Variants in LHFPL3 observed in about 807,000 individuals in gnomAD.
LHFPL3 encodes LHFPL tetraspan subfamily member 3.
A neutral mutation model predicts 19.3 loss-of-function variants in LHFPL3; 5 were observed. The ratio of observed to expected loss-of-function variants is 0.26; its 90% CI spans 0.14 to 0.54. The LOEUF (loss-of-function observed/expected upper bound fraction) is 0.54. LHFPL3 is among the 20% of genes least tolerant of loss of function. The pLI is 0.94. For missense variants in LHFPL3, 249 were observed against 307.4 expected (o/e 0.81, Z 1.42); for synonymous variants, 133 against 126.2 (o/e 1.05, Z -0.36).
chr7:104,441,913 G>A (rs1267889879), intron 1 of LHFPL3, among the ~76,000 whole-genome samples: 1 of 152,144 alleles, frequency 6.6e-6, no homozygotes, highest in Non-Finnish European at 1.5e-5. Flanking sequence ...CTGCCCAGAA[G>A]TGGAATTGCT....
intron 1 of LHFPL3, among the ~76,000 whole-genome samples, chr7:104,376,515 A>G (rs1302788144): frequency 6.6e-6 from 1 of 152,192 alleles, no homozygotes; most frequent in African/African-American, 2.4e-5. Flanking sequence ...TCTCCTTTCC[A>G]TTCTCCTGAT....
intron 2 of LHFPL3, among the ~76,000 whole-genome samples, chr7:104,851,968 T>C (rs191107558): frequency 5.3e-4 from 80 of 152,164 alleles, no homozygotes; most frequent in African/African-American, 1.9e-3. Flanking sequence ...CCCTTCTGTC[T>C]CCTTTCCTTA....
intron 1 of LHFPL3, among the ~76,000 whole-genome samples, chr7:104,508,277 C>T (rs1793739654): frequency 2.0e-5 from 3 of 151,622 alleles, no homozygotes; most frequent in African/African-American, 4.9e-5. Flanking sequence ...TACTATGCAG[C>T]CATAAAAAAT....
At chr7:104,408,812 G>A (rs1202903445) in intron 1 of LHFPL3, among the ~76,000 whole-genome samples, 1 of 151,894 alleles carries the variant, frequency 6.6e-6, no homozygotes, top group East Asian at 1.9e-4. Context: ...TTTTGCTAGG[G>A]TACAGGGAGG....
intron 2 of LHFPL3, among the ~76,000 whole-genome samples, chr7:104,902,174 G>A (rs988020918): frequency 6.6e-5 from 10 of 152,090 alleles, no homozygotes; most frequent in African/African-American, 1.9e-4. Context: ...GAGTCCGGGA[G>A]TTTGAAACCA....
At position 104,328,866 on chromosome 7, in the gene LHFPL3, T is replaced by A. The variant is rs1457079225; in HGVS notation, c.87T>A (p.Tyr29Ter). The change falls in exon 1 of 3, where the codon TAT becomes TAA. Residue 29 changes from tyrosine (Y) to a stop codon, truncating the protein, a stop_gained. Coordinates refer to ENST00000424859, the MANE Select transcript of LHFPL3 (RefSeq NM_199000.3). LOFTEE classifies it high-confidence loss of function. This position sits in a 1 kb window ranked among gnomAD's most constrained non-coding sequence, Gnocchi z 4.6. ...QEAAKLYHTN[Y>*]VRNSRAIGVL... ...CTGCCAAGCTGTACCACACCAACTA[T>A]GTGCGGAACTCGCGGGCCATCGGCG... The A allele has an allele frequency of 6.2e-7, 1 of 1,614,004 alleles. No individual in the cohort carries two copies. Among genetic ancestry groups the A allele is most frequent in the Non-Finnish European group, 8.5e-7 (1 of 1,180,010 alleles).
Position 104,490,442 on chromosome 7 carries a change from C to T in LHFPL3, c.445+161218C>T, listed in dbSNP as rs117118376. Among the ~76,000 whole-genome samples the T allele has an allele frequency of 9.1e-3, 1,389 of 152,240 alleles. 13 individuals carry two copies. Among genetic ancestry groups the T allele is most frequent in the Non-Finnish European group, 0.013 (894 of 68,012 alleles). ...CTAATCATAAATAATGATCCCTCTT[C>T]AGAGACACCAAAGGGTACAGCAAAT... On this transcript the variant is annotated intron_variant, in intron 1 of 2. Transcript: ENST00000424859.
At chr7:104,605,216 T>C (rs1294845520) in intron 1 of LHFPL3, among the ~76,000 whole-genome samples, 3 of 152,190 alleles carry the variant, frequency 2.0e-5, no homozygotes, top group Non-Finnish European at 4.4e-5. Flanking sequence ...TTCAATCAAA[T>C]AATGGATTTT....
rs534629436 is a variant in LHFPL3, at chr7:104,654,202, A to G, written c.446-82473A>G. On this transcript the variant is annotated intron_variant, in intron 1 of 2. Coordinates refer to ENST00000424859, the MANE Select transcript of LHFPL3 (RefSeq NM_199000.3). ...ACAGAAATAGCCAAGCAGATGTGATATCTGTCCATGACGTCATGCTGGTAC... is the reference window on the plus strand; with the variant it reads ...ACAGAAATAGCCAAGCAGATGTGATGTCTGTCCATGACGTCATGCTGGTAC... Among the ~76,000 whole-genome samples the G allele has an allele frequency of 3.9e-5, 6 of 152,304 alleles. No homozygotes were observed. In the East Asian group the frequency reaches 1.2e-3, roughly 29 times the overall value.
At chr7:104,500,586 C>G (rs1057253613) in intron 1 of LHFPL3, among the ~76,000 whole-genome samples, 1 of 152,178 alleles carries the variant, frequency 6.6e-6, no homozygotes. Flanking sequence ...CTCCCAGTTA[C>G]TCTTGGCTAC....
intron 1 of LHFPL3, among the ~76,000 whole-genome samples, chr7:104,462,561 A>G (rs142324896): frequency 3.5e-4 from 53 of 152,282 alleles, no homozygotes; most frequent in Non-Finnish European, 6.3e-4. Flanking sequence ...GTTATGTTGA[A>G]CCAACCTTGT....
At chr7:104,657,666 T>C (rs4236570) in intron 1 of LHFPL3, among the ~76,000 whole-genome samples, 150,601 of 152,330 alleles carry the variant, frequency 0.99, 74,461 homozygotes, top group East Asian at 1. Context: ...AAATCCCACA[T>C]CCTTTGCAGT....
chr7:104,713,600 C>T (rs781037754), intron 1 of LHFPL3, among the ~76,000 whole-genome samples: 4 of 152,118 alleles, frequency 2.6e-5, no homozygotes, highest in African/African-American at 4.8e-5. Flanking sequence ...AGACCCCTCC[C>T]GCAACACTGA....
intron 2 of LHFPL3, among the ~76,000 whole-genome samples, chr7:104,811,853 T>C (rs548661295): frequency 6.6e-6 from 1 of 152,344 alleles, no homozygotes; most frequent in African/African-American, 2.4e-5. Context: ...TAGCTGATTA[T>C]GTCATTATGA....
intron 1 of LHFPL3, among the ~76,000 whole-genome samples, chr7:104,592,100 G>T (rs950576823): frequency 6.6e-6 from 1 of 152,000 alleles, no homozygotes; most frequent in Non-Finnish European, 1.5e-5. Context: ...ATTACTGATC[G>T]TCTAGAGCCT....
In LHFPL3 at chr7:104,356,307, G is replaced by C. The variant is rs111289557; in HGVS notation, c.445+27083G>C. ...TTCCTGTTGATTACAGGCTGCCTCTGACCATACACCCAAAGAAAGGGGTAA... is the reference window on the plus strand; with the variant it reads ...TTCCTGTTGATTACAGGCTGCCTCTCACCATACACCCAAAGAAAGGGGTAA... On this transcript the variant is annotated intron_variant, in intron 1 of 2. Coordinates refer to ENST00000424859, the MANE Select transcript of LHFPL3 (RefSeq NM_199000.3). Among the ~76,000 whole-genome samples, 963 of 152,242 alleles carry C rather than the reference G, an allele frequency of 6.3e-3. 7 individuals are homozygous for C. The highest frequency in any genetic ancestry group is 0.022 in the African/African-American group (900 of 41,544).
chr7:104,521,153 G>A (rs1794050700), intron 1 of LHFPL3, among the ~76,000 whole-genome samples: 1 of 151,964 alleles, frequency 6.6e-6, no homozygotes, highest in Admixed American at 6.6e-5. Context: ...TTGTGTCTTT[G>A]TTCTCGTTGG....
At chr7:104,753,260 C>G (rs555578234) in intron 2 of LHFPL3, among the ~76,000 whole-genome samples, 1 of 152,288 alleles carries the variant, frequency 6.6e-6, no homozygotes, top group African/African-American at 2.4e-5. Flanking sequence ...TTCCAAAAGT[C>G]CACTTCTAAA....
Position 104,645,474 on chromosome 7 carries a change from G to A in LHFPL3, c.446-91201G>A, listed in dbSNP as rs149471102. Among the ~76,000 whole-genome samples the A allele has an allele frequency of 1.2e-4, 18 of 152,076 alleles. 1 individual carries two copies. The East Asian group carries it at 2.7e-3, about 23-fold the overall frequency. On this transcript the variant is annotated intron_variant, in intron 1 of 2. Transcript: ENST00000424859. ...AAAATAATTTTTTAAAAAATTCCTC[G>A]ATGAGTACTATGTTCCCTAAGATGA...
Sources: allele counts gnomAD v4.1 joint callset (sites outside exome capture counted in the v4.1 genomes callset), GRCh38; gene constraint gnomAD v4.1.1; non-coding constraint Gnocchi (gnomAD v3.1); transcripts MANE v1.5; gene names NCBI Gene and HGNC (gene_info 2026-07-23, HGNC 2026-07-21).